The following KCND3 variants were observed in gnomAD, a reference collection of about 807,000 sequenced individuals.
The protein encoded by KCND3 is A-type voltage-gated potassium channel KCND3.
In KCND3, 9 loss-of-function variants were observed where a neutral mutation model predicts 51.1. The ratio of observed to expected loss-of-function variants is 0.18; its 90% CI spans 0.11 to 0.31. The LOEUF (loss-of-function observed/expected upper bound fraction) is 0.31, where lower values mean the gene tolerates loss of function less well. Ranked by LOEUF, KCND3 falls within the 10% of genes least tolerant of loss-of-function variation. The pLI, the probability that KCND3 is intolerant of heterozygous loss-of-function variation, is 1.00. For synonymous variants in KCND3, 349 were observed against 368.0 expected (o/e 0.95, Z 0.59); for missense variants, 526 against 903.8 (o/e 0.58, Z 5.36).
intron 2 of KCND3, among the ~76,000 whole-genome samples, chr1:111,967,838 G>C (rs1272310739): frequency 6.6e-6 from 1 of 152,176 alleles, no homozygotes; most frequent in East Asian, 1.9e-4. Context: ...GAGGACTAGA[G>C]AGAGGAAGTG....
chr1:111,907,458 C>A (rs1367727189), intron 2 of KCND3, among the ~76,000 whole-genome samples: 1 of 152,172 alleles, frequency 6.6e-6, no homozygotes, highest in African/African-American at 2.4e-5. Flanking sequence ...GCTGTCATGA[C>A]AAGAGGTAGG....
chr1:111,909,422 C>T (rs1021607315), intron 2 of KCND3: 6 of 152,188 alleles, frequency 3.9e-5, no homozygotes, highest in Admixed American at 3.3e-4. Context: ...GTCAGAGGGA[C>T]ATTTTGTCCA....
intron 2 of KCND3, among the ~76,000 whole-genome samples, chr1:111,815,285 C>A (rs189657663): frequency 6.6e-6 from 1 of 152,196 alleles, no homozygotes; most frequent in African/African-American, 2.4e-5. Context: ...CCCCTCTCTT[C>A]TTTTCCTTTC....
chr1:111,849,134 C>T (rs1043515547), intron 2 of KCND3, among the ~76,000 whole-genome samples: 8 of 152,194 alleles, frequency 5.3e-5, no homozygotes, highest in African/African-American at 1.9e-4. Flanking sequence ...AGGTGGCCCT[C>T]AGAGACTGGT....
chr1:111,916,089 T>A (rs536135472), intron 2 of KCND3, among the ~76,000 whole-genome samples: 3 of 152,284 alleles, frequency 2.0e-5, no homozygotes, highest in Admixed American at 6.5e-5. Flanking sequence ...TAACTGACAT[T>A]ACTAGAACAC....
chr1:111,977,686 G>A (rs1437516363), intron 2 of KCND3, among the ~76,000 whole-genome samples: 1 of 152,140 alleles, frequency 6.6e-6, no homozygotes, highest in African/African-American at 2.4e-5. Context: ...CGCTTGCAAG[G>A]CTTTACTCTC....
intron 2 of KCND3, among the ~76,000 whole-genome samples, chr1:111,879,485 A>C (rs1669204536): frequency 6.6e-6 from 1 of 152,206 alleles, no homozygotes; most frequent in Non-Finnish European, 1.5e-5. Flanking sequence ...CTGTTTTTCA[A>C]AGCTTGAAAT....
chr1:111,954,032 G>A (rs1221732085), intron 2 of KCND3, among the ~76,000 whole-genome samples: 3 of 152,274 alleles, frequency 2.0e-5, no homozygotes, highest in East Asian at 3.9e-4. Context: ...GGGGGGAAGT[G>A]TACTCTCCGC....
intron 2 of KCND3, among the ~76,000 whole-genome samples, chr1:111,866,270 T>A (rs938449837): frequency 2.0e-5 from 3 of 147,690 alleles, no homozygotes; most frequent in East Asian, 2.0e-4. Context: ...TTTCTTTTTT[T>A]TTTTTTTTTT....
At chr1:111,798,458 A>G (rs1665155177) in intron 2 of KCND3, among the ~76,000 whole-genome samples, 1 of 152,036 alleles carries the variant, frequency 6.6e-6, no homozygotes, top group Admixed American at 6.6e-5. Context: ...TACCTCCCCA[A>G]AATGTCTATT....
intron 2 of KCND3, among the ~76,000 whole-genome samples, chr1:111,888,661 GAC>G (rs1157967482): frequency 3.0e-5 from 4 of 132,000 alleles, no homozygotes; most frequent in South Asian, 2.5e-4. Context: ...CAGCCTGGAT[GAC>G]AGAGTGACAC....
rs1664355009 is a variant in KCND3 at position 111,780,891 on chromosome 1, A to T, written c.1270-100T>A. The T allele has an allele frequency of 3.3e-6, 3 of 896,126 alleles. No individual in the cohort carries two copies. The highest frequency in any genetic ancestry group is 5.4e-6 in the Non-Finnish European group (3 of 558,948). The allele number at this position is 896,126 out of a possible 1,614,324, so 55.5% of individuals were successfully genotyped here. A position where few individuals can be genotyped will look rare whatever the true frequency, so the allele number is the denominator to read the frequency against. ...AGGCTGGCTTCCCAGGTGACACCTG[A>T]TGAAGGGGATGAGGCTGTTTCTCTC... On this transcript the variant is annotated intron_variant, in intron 3 of 7. Coordinates refer to ENST00000302127, the MANE Select transcript of KCND3 (RefSeq NM_001378969.1). The surrounding 1 kb of genome is among the most constrained non-coding windows in gnomAD (Gnocchi z 4.2).
chr1:111,915,719 C>T (rs1671173498), intron 2 of KCND3, among the ~76,000 whole-genome samples: 1 of 145,864 alleles, frequency 6.9e-6, no homozygotes, highest in Non-Finnish European at 1.5e-5. Flanking sequence ...CGCCACTGCA[C>T]TCCAGCCTGG....
At chr1:111,986,280 G>T (rs1333785564) in intron 1 of KCND3, among the ~76,000 whole-genome samples, 1 of 152,188 alleles carries the variant, frequency 6.6e-6, no homozygotes. Context: ...TATGATAAAG[G>T]CTTTTCTGCC....
chr1:111,784,180 T>C (rs1664512991), intron 3 of KCND3, among the ~76,000 whole-genome samples: 1 of 150,884 alleles, frequency 6.6e-6, no homozygotes, highest in African/African-American at 2.4e-5. Flanking sequence ...TGAATAAGAT[T>C]GGTAGGTTGT....
At chr1:111,976,394 T>C (rs1259746272) in intron 2 of KCND3, among the ~76,000 whole-genome samples, 2 of 152,250 alleles carry the variant, frequency 1.3e-5, no homozygotes, top group South Asian at 2.1e-4. Flanking sequence ...ACAAATATCA[T>C]GTCTGCCATG....
rs1183887988 is a variant in KCND3 at position 111,780,312 on chromosome 1, G to A, written c.1374C>T (p.Gly458=). ...GLLNEALELT[G]TPEEEHMGKT... ...TGCCCATGTGCTCCTCTTCTGGGGT[G>A]CCCTAGTAAAAAAAGAAGAGAGATT... The change falls in exon 5 of 8, where the codon GGC becomes GGT. Residue 458 remains glycine (G), a splice_region_variant and synonymous_variant. Coordinates refer to ENST00000302127, the MANE Select transcript of KCND3 (RefSeq NM_001378969.1). This position sits in a 1 kb window ranked among gnomAD's most constrained non-coding sequence, Gnocchi z 4.2. The A allele has an allele frequency of 1.3e-6, 2 of 1,564,062 alleles. No homozygotes were observed. The highest frequency in any genetic ancestry group is 1.2e-5 in the South Asian group (1 of 84,878).
chr1:111,824,659 C>T (rs1406755408), intron 2 of KCND3, among the ~76,000 whole-genome samples: 1 of 152,084 alleles, frequency 6.6e-6, no homozygotes, highest in Non-Finnish European at 1.5e-5. Context: ...TTATTTGAGT[C>T]CCATCCTCAG....
chr1:111,885,416 T>G (rs1557998867), intron 2 of KCND3, among the ~76,000 whole-genome samples: 1 of 152,226 alleles, frequency 6.6e-6, no homozygotes, highest in Non-Finnish European at 1.5e-5. Flanking sequence ...TACTAAGGAT[T>G]CACAAGGATT....
Sources: gnomAD v4.1 joint callset for allele counts (sites outside exome capture counted in the v4.1 genomes callset) on GRCh38, gnomAD v4.1.1 for gene constraint, Gnocchi (gnomAD v3.1) non-coding constraint, MANE v1.5 for transcripts, NCBI Gene and HGNC (gene_info 2026-07-23, HGNC 2026-07-21) for gene names.